Variants in AUH observed in about 807,000 individuals in gnomAD.
AUH encodes methylglutaconyl-CoA hydratase, mitochondrial.
A neutral mutation model predicts 42.3 loss-of-function variants in AUH; 29 were observed. The ratio of observed to expected loss-of-function variants is 0.69; its 90% CI spans 0.51 to 0.93. The LOEUF (loss-of-function observed/expected upper bound fraction) is 0.93. Among genes scored for constraint, AUH ranks in the 40% least tolerant of loss-of-function variants. The pLI, the probability that AUH is intolerant of heterozygous loss-of-function variation, is 0.00. For missense variants in AUH, 452 were observed against 438.1 expected, an observed-to-expected ratio of 1.03 and a Z score of -0.28; for synonymous variants, 174 against 166.4, an observed-to-expected ratio of 1.05 and a Z score of -0.35.
At chr9:91,237,165 T>G (rs1253550490) in intron 6 of AUH, among the ~76,000 whole-genome samples, 1 of 152,222 alleles carries the variant, frequency 6.6e-6, no homozygotes, top group African/African-American at 2.4e-5. Flanking sequence ...AAAAGATGAA[T>G]GCCAATAATG....
At chr9:91,355,802 G>T in intron 3 of AUH, 81 bp downstream of exon 3, 2 of 1,314,282 alleles carry the variant, frequency 1.5e-6, no homozygotes, top group Admixed American at 1.7e-5. Context: ...TCAAACCAAA[G>T]AACATTCTAA....
At chr9:91,323,815 A>G (rs1829772898) in intron 4 of AUH, among the ~76,000 whole-genome samples, 1 of 152,204 alleles carries the variant, frequency 6.6e-6, no homozygotes. Flanking sequence ...GAATGACCCC[A>G]GAAAATACGA....
At chr9:91,293,600 GAAGAA>G (rs899793417) in intron 6 of AUH, among the ~76,000 whole-genome samples, 48 of 152,316 alleles carry the variant, frequency 3.2e-4, no homozygotes, top group African/African-American at 1.2e-3. Flanking sequence ...AGAAGCTGCA[GAAGAA>G]AAGTTGGAAG....
chr9:91,312,767 A>G (rs911753533), intron 4 of AUH, among the ~76,000 whole-genome samples: 3 of 152,134 alleles, frequency 2.0e-5, no homozygotes, highest in Admixed American at 6.5e-5. Context: ...AAATTTAACA[A>G]TCACCTGGAG....
intron 4 of AUH, 147 bp downstream of exon 4, chr9:91,325,166 AAATAT>A: frequency 7.4e-6 from 4 of 537,616 alleles, no homozygotes; most frequent in Non-Finnish European, 1.3e-5. Context: ...TTTTCAAATT[AAATAT>A]ATTAAGTGTC....
At chr9:91,334,001 T>C (rs1338777615) in intron 3 of AUH, among the ~76,000 whole-genome samples, 1 of 152,142 alleles carries the variant, frequency 6.6e-6, no homozygotes, top group African/African-American at 2.4e-5. Flanking sequence ...CCTGAAGAGT[T>C]TTATGACAGG....
rs79468367 is a variant in AUH at position 91,359,085 on chromosome 9, A to T, written c.262+2543T>A. 3.0e-3 allele frequency among the ~76,000 whole-genome samples: 461 copies of T among 152,362 alleles called. 5 individuals are homozygous for T. Among genetic ancestry groups the T allele is most frequent in the African/African-American group, 0.011 (440 of 41,588 alleles). On this transcript the variant is annotated intron_variant, in intron 1 of 9. Transcript: ENST00000375731. The stretch of plus-strand genomic sequence containing the variant: ...ACCTTAATTTTCCTGACTTTTCACA[A>T]AACATACAAAAATCTTCAGTGAATC...
At position 91,338,529 on chromosome 9, in the gene AUH, C is replaced by A. The variant is rs983186294; in HGVS notation, c.419-13125G>T. On this transcript the variant is annotated intron_variant, in intron 3 of 9. Transcript: ENST00000375731. ...CACTGCAACATCCACCTCCCAGGTT[C>A]CAGCAATTCTCCTGCCTCAGCCTCC... Among the ~76,000 whole-genome samples, 11 of 152,200 alleles carry A rather than the reference C, an allele frequency of 7.2e-5. No homozygotes were observed. The East Asian group carries it at 1.9e-3, about 27-fold the overall frequency.
chr9:91,236,180 G>A (rs1353103258), intron 6 of AUH, among the ~76,000 whole-genome samples: 2 of 149,740 alleles, frequency 1.3e-5, no homozygotes, highest in Non-Finnish European at 1.5e-5. Context: ...CTACACACTT[G>A]AGATGTGTGA....
At position 91,288,787 on chromosome 9, in the gene AUH, T is replaced by C. The variant is rs117056322; in HGVS notation, c.655+7234A>G. 5.5e-3 allele frequency among the ~76,000 whole-genome samples: 842 copies of C among 152,248 alleles called. 10 individuals are homozygous for C. Among genetic ancestry groups the C allele is most frequent in the East Asian group, 0.042 (218 of 5,190 alleles). On this transcript the variant is annotated intron_variant, in intron 6 of 9. Transcript: ENST00000375731. ...TTAATAGTCATTTGATACTAAACAA[T>C]ATTCTTTCTAATAAAAACTAAAATT...
chr9:91,325,294 AAAG>A (rs1480690076), intron 4 of AUH, 21 bp downstream of exon 4: 8 of 1,598,768 alleles, frequency 5.0e-6, no homozygotes, highest in Middle Eastern at 1.7e-4. Context: ...CGGCATGCTG[AAAG>A]AAGAACTTAA....
At chr9:91,321,169 T>C (rs752318743) in intron 4 of AUH, among the ~76,000 whole-genome samples, 1 of 152,178 alleles carries the variant, frequency 6.6e-6, no homozygotes, top group Non-Finnish European at 1.5e-5. Context: ...CAAAAAGAGG[T>C]ATCCCAGATG....
intron 6 of AUH, among the ~76,000 whole-genome samples, chr9:91,277,049 G>T (rs1825603482): frequency 6.6e-6 from 1 of 152,116 alleles, no homozygotes; most frequent in African/African-American, 2.4e-5. Context: ...AACCAGCCAG[G>T]TGTGGTAGGG....
At chr9:91,279,340 T>C (rs1391388538) in intron 6 of AUH, among the ~76,000 whole-genome samples, 2 of 152,134 alleles carry the variant, frequency 1.3e-5, no homozygotes, top group Non-Finnish European at 2.9e-5. Context: ...GAGAAATAAC[T>C]TGTCTAAAGA....
intron 6 of AUH, among the ~76,000 whole-genome samples, chr9:91,243,929 AG>A: frequency 6.6e-6 from 1 of 152,256 alleles, no homozygotes; most frequent in South Asian, 2.1e-4. Context: ...TTAACGAACT[AG>A]TCAACAACTG....
chr9:91,321,499 A>G (rs1403006193), intron 4 of AUH, among the ~76,000 whole-genome samples: 1 of 152,146 alleles, frequency 6.6e-6, no homozygotes, highest in Non-Finnish European at 1.5e-5. Flanking sequence ...TAAAATTAAA[A>G]GCTTTATGAC....
At chr9:91,289,886 G>A (rs117325091) in intron 6 of AUH, among the ~76,000 whole-genome samples, 6,459 of 152,130 alleles carry the variant, frequency 0.042, 208 homozygotes, top group Non-Finnish European at 0.058. Context: ...TGTTTCAAAA[G>A]AACAGGCATC....
At chr9:91,248,896 A>G (rs1828949639) in intron 6 of AUH, among the ~76,000 whole-genome samples, 1 of 152,214 alleles carries the variant, frequency 6.6e-6, no homozygotes, top group Admixed American at 6.5e-5. Flanking sequence ...AGGCTAGCAC[A>G]ATGGCATTTT....
At chr9:91,218,190 T>C (rs73497139) in intron 7 of AUH, among the ~76,000 whole-genome samples, 2,431 of 152,350 alleles carry the variant, frequency 0.016, 72 homozygotes, top group African/African-American at 0.054. Context: ...AGACATGTTT[T>C]CCTATCAAGG....
Sources: allele counts gnomAD v4.1 joint callset (sites outside exome capture counted in the v4.1 genomes callset), GRCh38; gene constraint gnomAD v4.1.1; transcripts MANE v1.5; gene names NCBI Gene and HGNC (gene_info 2026-07-23, HGNC 2026-07-21).